Variants in USP24 observed in about 807,000 individuals in gnomAD.
The protein encoded by USP24 is ubiquitin specific peptidase 24.
USP24 carries 97 observed loss-of-function variants against 361.6 expected under a neutral mutation model. The observed-to-expected ratio is 0.27, with a 90% CI of 0.23 to 0.32. The LOEUF (loss-of-function observed/expected upper bound fraction) is 0.32, where lower values mean the gene tolerates loss of function less well. Ranked by LOEUF, USP24 falls within the 10% of genes least tolerant of loss-of-function variation. The pLI, the probability that USP24 is intolerant of heterozygous loss-of-function variation, is 1.00. For missense variants in USP24, 2,353 were observed against 3,165.6 expected (o/e 0.74, Z 6.16); for synonymous variants, 1,098 against 1,124.6 (o/e 0.98, Z 0.47).
chr1:55,103,790 C>A, intron 42 of USP24, 86 bp downstream of exon 42: 1 of 1,420,322 alleles, frequency 7.0e-7, no homozygotes, highest in Non-Finnish European at 9.4e-7. Context: ...TCTTTGTGGT[C>A]AGCAGAATGC....
intron 39 of USP24, among the ~76,000 whole-genome samples, chr1:55,107,789 C>A (rs1467402205): frequency 8.2e-6 from 1 of 122,392 alleles, no homozygotes; most frequent in Non-Finnish European, 1.6e-5. Context: ...TTGCAGTGAG[C>A]TGAGATCACG....
In USP24 at chr1:55,215,120, G is replaced by A; in HGVS notation, c.-7C>T. The A allele has an allele frequency of 1.6e-6, 2 of 1,259,178 alleles. No individual in the cohort carries two copies. Among genetic ancestry groups the A allele is most frequent in the East Asian group, 3.1e-5 (1 of 32,094 alleles). The allele number at this position is 1,259,178 out of a possible 1,614,324, so 78.0% of individuals were successfully genotyped here. Reference sequence around the variant, plus strand: ...GCTCCTCCTCCGATTCCATGGCTTGGGCCTCCTGGCCGCCCCGGCCAGCGC... The same window carrying A: ...GCTCCTCCTCCGATTCCATGGCTTGAGCCTCCTGGCCGCCCCGGCCAGCGC... On this transcript the variant is annotated 5_prime_UTR_variant, in exon 1 of 68. Transcript: ENST00000294383.
chr1:55,126,478 C>A (rs1169182849), intron 32 of USP24, among the ~76,000 whole-genome samples: 1 of 152,224 alleles, frequency 6.6e-6, no homozygotes, highest in Non-Finnish European at 1.5e-5. Flanking sequence ...GTCTCCCCCT[C>A]TAGACTGTAA....
At chr1:55,180,820 C>CA (rs1643943452) in intron 1 of USP24, among the ~76,000 whole-genome samples, 1 of 152,188 alleles carries the variant, frequency 6.6e-6, no homozygotes, top group South Asian at 2.1e-4. Context: ...CTCACTAGAC[C>CA]AAGCTGCCTA....
intron 42 of USP24, among the ~76,000 whole-genome samples, chr1:55,103,580 T>C (rs1645694937): frequency 6.6e-6 from 1 of 152,224 alleles, no homozygotes; most frequent in South Asian, 2.1e-4. Context: ...GTCTGGCCTA[T>C]GCCCAGCATA....
chr1:55,153,755 T>C, intron 16 of USP24, 115 bp downstream of exon 16: 7 of 1,160,914 alleles, frequency 6.0e-6, no homozygotes, highest in Non-Finnish European at 8.4e-6. Context: ...TCAAGTTTAA[T>C]ATGAACATTA....
chr1:55,103,063 G>A (rs754040463), intron 42 of USP24, among the ~76,000 whole-genome samples: 15 of 152,114 alleles, frequency 9.9e-5, no homozygotes, highest in Non-Finnish European at 1.5e-4. Context: ...GAACACAAAC[G>A]GCAGCTTTGA....
rs2100742511 is a variant in USP24, at chr1:55,154,721, C to T, written c.1504G>A (p.Val502Met). The T allele has an allele frequency of 6.2e-7, 1 of 1,613,456 alleles. No individual in the cohort carries two copies. The highest frequency in any genetic ancestry group is 8.5e-7 in the Non-Finnish European group (1 of 1,179,620). ...TTAAGCTGATCTGAATTAAATTTCACAGCCGCTGCAGCAATAATAGTATGA... is the reference window on the plus strand; with the variant it reads ...TTAAGCTGATCTGAATTAAATTTCATAGCCGCTGCAGCAATAATAGTATGA... The part of the protein sequence containing the change: ...NIHTIIAAAA[V>M]KFNSDQLNHL... Residue 502 changes from valine (V) to methionine (M), a missense_variant, in exon 13 of 68, where the codon GTG (valine) becomes ATG (methionine). Around this residue, in one of 8 missense-constraint regions of USP24, gnomAD observed 386 missense variants for 560.5 expected, o/e 0.69. Coordinates refer to ENST00000294383, the MANE Select transcript of USP24 (RefSeq NM_015306.3).
At chr1:55,146,256 G>A (rs537819121) in intron 19 of USP24, 147 bp from the exon 20 acceptor site, 1 of 536,818 alleles carries the variant, frequency 1.9e-6, no homozygotes, top group East Asian at 3.1e-5. Context: ...TTGGAATTCT[G>A]AAATTAAATG....
rs573150202 is a variant in USP24 at position 55,204,566 on chromosome 1, C to T, written c.324+10224G>A. On this transcript the variant is annotated intron_variant, in intron 1 of 67. Transcript: ENST00000294383. The stretch of plus-strand genomic sequence containing the variant: ...AAATCCTAGAGGCACTATACAAATG[C>T]TTTTGATACACAGATTTAAGCTTTC... Among the ~76,000 whole-genome samples the T allele has an allele frequency of 4.3e-3, 660 of 152,194 alleles. 5 individuals carry two copies. Among genetic ancestry groups the T allele is most frequent in the African/African-American group, 0.015 (625 of 41,554 alleles).
intron 1 of USP24, among the ~76,000 whole-genome samples, chr1:55,196,109 C>T (rs1644410665): frequency 1.3e-5 from 2 of 152,104 alleles, no homozygotes; most frequent in South Asian, 4.2e-4. Context: ...TTACCGGACC[C>T]ATCAGCAATA....
At chr1:55,111,498 G>C (rs555228143) in intron 38 of USP24, among the ~76,000 whole-genome samples, 61 of 151,964 alleles carry the variant, frequency 4.0e-4, no homozygotes, top group African/African-American at 1.4e-3. Context: ...AAGAATCATT[G>C]GTCTTTCAAA....
chr1:55,097,507 T>C, intron 48 of USP24, 91 bp downstream of exon 48: 1 of 1,479,134 alleles, frequency 6.8e-7, no homozygotes. Flanking sequence ...CTTAACATGG[T>C]AGACAGAATA....
chr1:55,167,895 G>A (rs1649047683), intron 5 of USP24, among the ~76,000 whole-genome samples: 1 of 152,142 alleles, frequency 6.6e-6, no homozygotes, highest in South Asian at 2.1e-4. Flanking sequence ...CACTAAGTTT[G>A]AGAACTCTGT....
chr1:55,154,969 C>G (rs1266564219), intron 12 of USP24, among the ~76,000 whole-genome samples, 191 bp from the exon 13 acceptor site: 5 of 151,606 alleles, frequency 3.3e-5, no homozygotes, highest in Non-Finnish European at 7.4e-5. Flanking sequence ...ATCAGCTGGC[C>G]TTATTTAAAT....
At chr1:55,193,447 G>A (rs556770856) in intron 1 of USP24, among the ~76,000 whole-genome samples, 2 of 152,172 alleles carry the variant, frequency 1.3e-5, no homozygotes, top group Non-Finnish European at 2.9e-5. Flanking sequence ...CTTACATATA[G>A]AGGGTAACCT....
At chr1:55,161,787 A>G (rs986256659) in intron 8 of USP24, among the ~76,000 whole-genome samples, 5 of 152,170 alleles carry the variant, frequency 3.3e-5, no homozygotes, top group African/African-American at 1.2e-4. Flanking sequence ...ATGTGCTGTT[A>G]AGCTGGTATT....
intron 63 of USP24, 151 bp downstream of exon 63, chr1:55,075,306 A>G (rs1047692656): frequency 3.2e-6 from 2 of 616,936 alleles, no homozygotes; most frequent in South Asian, 2.5e-5. Flanking sequence ...TTTTCTGACC[A>G]GAATGAGGGA....
At chr1:55,125,141 AT>A (rs1646391049) in intron 34 of USP24, among the ~76,000 whole-genome samples, 178 bp downstream of exon 34, 1 of 152,174 alleles carries the variant, frequency 6.6e-6, no homozygotes, top group Non-Finnish European at 1.5e-5. Flanking sequence ...ACAACACTTG[AT>A]ACTTTCTACC....
Sources: gnomAD v4.1 joint callset for allele counts (sites outside exome capture counted in the v4.1 genomes callset) on GRCh38, gnomAD v4.1.1 for gene constraint, gnomAD v4.1.1 regional missense constraint, MANE v1.5 for transcripts, NCBI Gene and HGNC (gene_info 2026-07-23, HGNC 2026-07-21) for gene names.